The following GTPBP1 variants were observed in gnomAD, a reference collection of about 807,000 sequenced individuals.
GTPBP1 encodes GTP binding protein 1, also known as GTP-binding protein 1.
Under a neutral mutation model 62.0 loss-of-function variants are expected in GTPBP1, and 23 were observed. The ratio of observed to expected loss-of-function variants is 0.37; its 90% CI spans 0.27 to 0.53. The LOEUF (loss-of-function observed/expected upper bound fraction) is 0.53. GTPBP1 is among the 20% of genes least tolerant of loss of function. The pLI is 0.89. For missense variants in GTPBP1, 640 were observed against 917.3 expected (o/e 0.70, Z 3.90); for synonymous variants, 344 against 364.4 (o/e 0.94, Z 0.64).
intron 2 of GTPBP1, among the ~76,000 whole-genome samples, chr22:38,712,155 G>A (rs999829197): frequency 2.4e-4 from 36 of 152,296 alleles, no homozygotes; most frequent in Admixed American, 1.7e-3. Flanking sequence ...GATTACAGAT[G>A]TGAGCCACCG....
intron 1 of GTPBP1, 34 bp from the exon 2 acceptor site, chr22:38,708,811 A>C: frequency 1.7e-6 from 2 of 1,158,540 alleles, no homozygotes; most frequent in Non-Finnish European, 2.6e-6. Context: ...TCTTCTAGCA[A>C]GTGTGGTCCT....
chr22:38,722,996 G>A (rs998343339), intron 5 of GTPBP1: 29 of 831,660 alleles, frequency 3.5e-5, no homozygotes, highest in East Asian at 2.7e-4. Flanking sequence ...ACAGCACACC[G>A]TAGTCTCAGG....
rs191799950 is a variant in GTPBP1 at position 38,731,983 on chromosome 22, C to T, written c.*1279C>T. 109 of 152,636 alleles carry T rather than the reference C, an allele frequency of 7.1e-4. No homozygotes were observed. The highest frequency in any genetic ancestry group is 1.4e-3 in the Non-Finnish European group (94 of 68,266). 9.5% of individuals were successfully genotyped at this position (152,636 alleles called of 1,614,324 possible). On this transcript the variant is annotated 3_prime_UTR_variant, in exon 12 of 12. Coordinates refer to ENST00000216044, the MANE Select transcript of GTPBP1 (RefSeq NM_004286.5). ...TGGCATGGGCCTGAACCCACCTGGACTGACTTCTGCACTGAAGCCACAGAT... is the reference window on the plus strand; with the variant it reads ...TGGCATGGGCCTGAACCCACCTGGATTGACTTCTGCACTGAAGCCACAGAT...
chr22:38,735,974 A>G (rs968321530), downstream of GTPBP1: 8 of 310,342 alleles, frequency 2.6e-5, no homozygotes, highest in Non-Finnish European at 4.6e-5. Flanking sequence ...GTCAGGTCCT[A>G]CCTCTCCCAA....
chr22:38,738,786 GCCCTGAGT>G (rs1569294921), downstream of GTPBP1: 3 of 1,608,420 alleles, frequency 1.9e-6, no homozygotes, highest in Non-Finnish European at 2.6e-6. The surrounding 1 kb of genome is among the most constrained non-coding windows in gnomAD (Gnocchi z 6.6). Context: ...TCAGGACAGG[GCCCTGAGT>G]CCAGCTCTTG....
chr22:38,721,121 C>T (rs2145866378), intron 4 of GTPBP1, among the ~76,000 whole-genome samples: 1 of 152,286 alleles, frequency 6.6e-6, no homozygotes, highest in South Asian at 2.1e-4. Context: ...CTCTTGTTGC[C>T]CAGGCTGGAG....
intron 2 of GTPBP1, among the ~76,000 whole-genome samples, chr22:38,712,357 G>A (rs1184281573): frequency 1.3e-5 from 2 of 152,162 alleles, no homozygotes; most frequent in East Asian, 3.8e-4. Flanking sequence ...TGGACCAAAA[G>A]TAATCCAGTA....
Position 38,726,784 on chromosome 22 carries a change from C to T in GTPBP1, c.1401+344C>T, listed in dbSNP as rs1002643882. Among the ~76,000 whole-genome samples, 3 of 152,186 alleles carry T rather than the reference C, an allele frequency of 2.0e-5. No individual in the cohort carries two copies. Among genetic ancestry groups the T allele is most frequent in the Non-Finnish European group, 4.4e-5 (3 of 68,028 alleles). ...TGGGATCTGCGCCACATCCTCTTCC[C>T]ATTCAGCCTTCTATCTCCTGGGGTT... On this transcript the variant is annotated intron_variant, in intron 8 of 11. Transcript: ENST00000216044. The surrounding 1 kb of genome is among the most constrained non-coding windows in gnomAD (Gnocchi z 4.1).
rs376086055 is a variant in GTPBP1, at chr22:38,724,353, G to C, written c.1015G>C (p.Val339Leu). Residue 339 changes from valine to leucine, a missense_variant, in exon 6 of 12, where the codon GTG becomes CTG. By Grantham distance (32) the Val-to-Leu change is conservative. Coordinates refer to ENST00000216044, the MANE Select transcript of GTPBP1 (RefSeq NM_004286.5). ...GTCACCAGGCTGCCGGAAGATCCCC[G>C]TGCTGGTGCAGAGCAAAGATGATGT... ...LKSPGCRKIPVLVQSKDDVIV... is the reference protein window; with the variant it reads ...LKSPGCRKIPLLVQSKDDVIV... 6.2e-7 allele frequency: 1 copy of C among 1,613,728 alleles called. No homozygotes were observed.
chr22:38,706,200 C>A lies in GTPBP1; in HGVS notation c.192+53C>A, dbSNP rs950317618. The A allele has an allele frequency of 7.9e-6, 9 of 1,143,604 alleles. No individual in the cohort carries two copies. The African/African-American group carries it at 1.3e-4, about 16-fold the overall frequency. 70.8% of individuals were successfully genotyped at this position (1,143,604 alleles called of 1,614,324 possible). Reference sequence around the variant, plus strand: ...TGAGGGGAGCGGGCGGCTGGCCGAGCAGTCTCCCGGGCGACGGCGGGGCCA... The same window carrying A: ...TGAGGGGAGCGGGCGGCTGGCCGAGAAGTCTCCCGGGCGACGGCGGGGCCA... On this transcript the variant is annotated intron_variant, in intron 1 of 11. Transcript: ENST00000216044.
In GTPBP1 at chr22:38,720,020, C is replaced by T. The variant is rs535076387; in HGVS notation, c.835-1722C>T. Among the ~76,000 whole-genome samples, 3 of 151,338 alleles carry T rather than the reference C, an allele frequency of 2.0e-5. No individual in the cohort carries two copies. In the South Asian group the frequency reaches 6.3e-4, roughly 32 times the overall value. ...CTCAGCTCACTGCAAGCTCTGCCTC[C>T]CGGGTTCATGCCATTCTTCTGCCTC... is the stretch of plus-strand genomic sequence containing the variant. On this transcript the variant is annotated intron_variant, in intron 4 of 11. Coordinates refer to ENST00000216044, the MANE Select transcript of GTPBP1 (RefSeq NM_004286.5).
downstream of GTPBP1, chr22:38,742,438 G>T (rs764150835): frequency 2.5e-6 from 4 of 1,613,390 alleles, no homozygotes; most frequent in Non-Finnish European, 3.4e-6. Context: ...GCCCCTTGCC[G>T]CAGCTCCAGA....
downstream of GTPBP1, chr22:38,739,451 G>T: frequency 6.2e-7 from 1 of 1,611,550 alleles, no homozygotes. This position sits in a 1 kb window ranked among gnomAD's most constrained non-coding sequence, Gnocchi z 6.7. Context: ...CCAGGAGACG[G>T]TTGCAGCAGG....
At position 38,716,354 on chromosome 22, in the gene GTPBP1, G is replaced by A; in HGVS notation, c.485+267G>A. The A allele has an allele frequency of 1.7e-6, 1 of 585,872 alleles. No homozygotes were observed. Among genetic ancestry groups the A allele is most frequent in the Non-Finnish European group, 3.0e-6 (1 of 330,466 alleles). The allele number at this position is 585,872 out of a possible 1,614,324, so 36.3% of individuals were successfully genotyped here. ...TCAGCCTGTGAGCCTGGAAACCAGG[G>A]TCATGGAGAAGAGCCTTTTGTGCCT... On this transcript the variant is annotated intron_variant, in intron 3 of 11. Transcript: ENST00000216044. This position sits in a 1 kb window ranked among gnomAD's most constrained non-coding sequence, Gnocchi z 5.2.
downstream of GTPBP1, chr22:38,739,494 G>T: frequency 1.9e-6 from 3 of 1,555,226 alleles, no homozygotes; most frequent in Non-Finnish European, 1.8e-6. This position sits in a 1 kb window ranked among gnomAD's most constrained non-coding sequence, Gnocchi z 6.7. Flanking sequence ...CCTCGTGGCC[G>T]TGGGCCAAGG....
intron 2 of GTPBP1, 65 bp downstream of exon 2, chr22:38,709,021 G>T: frequency 2.1e-6 from 2 of 961,366 alleles, no homozygotes; most frequent in Non-Finnish European, 1.7e-6. Flanking sequence ...TGGCCCTGCC[G>T]CCTGTAATCC....
At chr22:38,719,884 A>C (rs118175075) in intron 4 of GTPBP1, among the ~76,000 whole-genome samples, 2 of 151,848 alleles carry the variant, frequency 1.3e-5, no homozygotes, top group East Asian at 3.9e-4. Context: ...TTAAGCCATG[A>C]ATCAGTCACC....
chr22:38,738,647 C>A (rs1369246450), downstream of GTPBP1: 2 of 1,613,920 alleles, frequency 1.2e-6, no homozygotes, highest in African/African-American at 2.7e-5. This position sits in a 1 kb window ranked among gnomAD's most constrained non-coding sequence, Gnocchi z 6.6. Context: ...AGGCCTTGGG[C>A]ACATGCTCTA....
In GTPBP1 at chr22:38,716,577, C is replaced by A; in HGVS notation, c.486-75C>A. On this transcript the variant is annotated intron_variant, in intron 3 of 11. Coordinates refer to ENST00000216044, the MANE Select transcript of GTPBP1 (RefSeq NM_004286.5). The surrounding 1 kb of genome is among the most constrained non-coding windows in gnomAD (Gnocchi z 5.2). ...AAGCCTGGACTTGCGGATCCAATTA[C>A]TGGGGTTATGATGGTCGCTCCACCT... 1 of 1,084,972 alleles carries A rather than the reference C, an allele frequency of 9.2e-7. No individual in the cohort carries two copies. Among genetic ancestry groups the A allele is most frequent in the Non-Finnish European group, 1.4e-6 (1 of 735,006 alleles). The allele number at this position is 1,084,972 out of a possible 1,614,324, so 67.2% of individuals were successfully genotyped here.
Sources: gnomAD v4.1 joint callset for allele counts (sites outside exome capture counted in the v4.1 genomes callset) on GRCh38, gnomAD v4.1.1 for gene constraint, Gnocchi (gnomAD v3.1) non-coding constraint, MANE v1.5 for transcripts, NCBI Gene and HGNC (gene_info 2026-07-23, HGNC 2026-07-21) for gene names.